PDE4B: variants seen among roughly 807,000 people sequenced by gnomAD.
PDE4B encodes 3',5'-cyclic-AMP phosphodiesterase 4B.
A neutral mutation model predicts 82.2 loss-of-function variants in PDE4B; 20 were observed. That is an observed-to-expected ratio of 0.24 (90% CI 0.17 to 0.35). The LOEUF is 0.35. Among genes scored for constraint, PDE4B ranks in the 10% least tolerant of loss-of-function variants. The probability of loss-of-function intolerance (pLI) is 1.00; values close to 1 mark genes in which losing one functional copy is unlikely to be tolerated. For missense variants in PDE4B, 655 were observed against 907.2 expected (o/e 0.72, Z 3.57); for synonymous variants, 320 against 318.9 (o/e 1.00, Z -0.04).
intron 3 of PDE4B, among the ~76,000 whole-genome samples, chr1:66,125,094 T>C (rs1224730539): frequency 6.6e-6 from 1 of 151,810 alleles, no homozygotes. Context: ...TAGTCCATAC[T>C]GATATTTCTT....
intron 1 of PDE4B, among the ~76,000 whole-genome samples, chr1:65,828,897 A>G (rs915493416): frequency 1.3e-5 from 2 of 152,222 alleles, no homozygotes; most frequent in Non-Finnish European, 2.9e-5. Context: ...AAAAGAGACA[A>G]TGAGTAAATT....
chr1:66,271,196 T>C (rs1655448106), intron 7 of PDE4B, among the ~76,000 whole-genome samples: 1 of 152,256 alleles, frequency 6.6e-6, no homozygotes, highest in Admixed American at 6.5e-5. Context: ...TATTGTCAAA[T>C]ATAACACCCT....
intron 8 of PDE4B, among the ~76,000 whole-genome samples, chr1:66,344,547 A>G (rs1356822180): frequency 1.3e-5 from 2 of 152,198 alleles, no homozygotes; most frequent in Non-Finnish European, 2.9e-5. Flanking sequence ...AAACTGAGAA[A>G]GGTCACATAC....
intron 7 of PDE4B, among the ~76,000 whole-genome samples, chr1:66,286,898 C>T (rs1474209550): frequency 6.6e-6 from 1 of 152,082 alleles, no homozygotes; most frequent in African/African-American, 2.4e-5. Context: ...GTATGCCCCC[C>T]CATGGTAATT....
At position 66,175,332 on chromosome 1, in the gene PDE4B, G is replaced by A. The variant is rs183014256; in HGVS notation, c.282-72128G>A. Among the ~76,000 whole-genome samples the A allele has an allele frequency of 7.2e-5, 11 of 152,294 alleles. No homozygotes were observed. In the East Asian group the frequency reaches 1.5e-3, roughly 21 times the overall value. On this transcript the variant is annotated intron_variant, in intron 3 of 16. Transcript: ENST00000341517. ...CAAGAGCTCATTTTGACAACCATTA[G>A]GTTACAGTCCTATGTGTAGTTCTGT...
chr1:66,204,951 C>T (rs1392776856), intron 3 of PDE4B, among the ~76,000 whole-genome samples: 1 of 152,202 alleles, frequency 6.6e-6, no homozygotes, highest in African/African-American at 2.4e-5. Context: ...ATGCTGGGAG[C>T]TGTAGACTGG....
intron 3 of PDE4B, among the ~76,000 whole-genome samples, chr1:66,203,430 C>T (rs1649211062): frequency 6.6e-6 from 1 of 152,178 alleles, no homozygotes; most frequent in Admixed American, 6.5e-5. Context: ...TGGGTAATAT[C>T]CTGCAGAGTG....
intron 3 of PDE4B, among the ~76,000 whole-genome samples, chr1:66,177,217 G>A (rs1199927924): frequency 6.6e-6 from 1 of 152,242 alleles, no homozygotes; most frequent in Non-Finnish European, 1.5e-5. Flanking sequence ...GTATGGTTAT[G>A]TGTATTGTTT....
chr1:65,888,390 A>G (rs1183239122), intron 1 of PDE4B, among the ~76,000 whole-genome samples: 1 of 152,148 alleles, frequency 6.6e-6, no homozygotes, highest in Admixed American at 6.6e-5. Flanking sequence ...TGGTGCCTCC[A>G]GCTTTGTTTC....
intron 3 of PDE4B, among the ~76,000 whole-genome samples, chr1:66,208,157 T>A (rs1160750807): frequency 6.6e-6 from 1 of 152,244 alleles, no homozygotes; most frequent in African/African-American, 2.4e-5. Context: ...TTTCAATATT[T>A]CCTGTCCTTT....
intron 3 of PDE4B, among the ~76,000 whole-genome samples, chr1:66,124,942 T>TGC (rs1553149135): frequency 4.4e-4 from 67 of 151,612 alleles, no homozygotes; most frequent in Admixed American, 9.9e-4. Context: ...TGTGTGTGTG[T>TGC]GCCCTGCGAT....
intron 3 of PDE4B, chr1:65,992,784 A>G: frequency 2.8e-6 from 4 of 1,426,260 alleles, no homozygotes; most frequent in Non-Finnish European, 3.7e-6. Flanking sequence ...CATTGGAGTC[A>G]CAGCTTCGTA....
At chr1:65,928,812 C>T (rs1020556245) in intron 3 of PDE4B, among the ~76,000 whole-genome samples, 1 of 152,176 alleles carries the variant, frequency 6.6e-6, no homozygotes, top group African/African-American at 2.4e-5. Flanking sequence ...AGCTTGCTTA[C>T]AGTGGGCCAT....
intron 12 of PDE4B, among the ~76,000 whole-genome samples, chr1:66,364,745 T>G (rs1419889031): frequency 6.6e-6 from 1 of 152,100 alleles, no homozygotes; most frequent in Non-Finnish European, 1.5e-5. Context: ...TATCATAGAG[T>G]GAGGCAACAC....
At chr1:65,926,131 A>G (rs1344409273) in intron 3 of PDE4B, among the ~76,000 whole-genome samples, 1 of 152,060 alleles carries the variant, frequency 6.6e-6, no homozygotes, top group Non-Finnish European at 1.5e-5. Flanking sequence ...ACTAATATTA[A>G]CTTTTACTCT....
chr1:66,276,898 C>T (rs778531904), intron 7 of PDE4B, among the ~76,000 whole-genome samples: 11 of 152,138 alleles, frequency 7.2e-5, no homozygotes, highest in African/African-American at 1.7e-4. Context: ...ATTAGGGTTG[C>T]GGCAATATCT....
At chr1:66,150,056 G>A (rs966456947) in intron 3 of PDE4B, among the ~76,000 whole-genome samples, 10 of 152,012 alleles carry the variant, frequency 6.6e-5, no homozygotes, top group Non-Finnish European at 1.5e-4. Flanking sequence ...AAAATTAATT[G>A]GCCATACATG....
intron 3 of PDE4B, among the ~76,000 whole-genome samples, chr1:66,195,491 C>A (rs1238706287): frequency 1.3e-5 from 2 of 152,124 alleles, no homozygotes; most frequent in Admixed American, 1.3e-4. Context: ...TACTTTAGAT[C>A]TTTCTAAAGA....
chr1:66,345,638 A>C (rs1661337311), intron 8 of PDE4B, among the ~76,000 whole-genome samples: 1 of 152,196 alleles, frequency 6.6e-6, no homozygotes, highest in South Asian at 2.1e-4. Flanking sequence ...TGAGGTTCAG[A>C]AACTTAATCT....
Sources: allele counts gnomAD v4.1 joint callset (sites outside exome capture counted in the v4.1 genomes callset), GRCh38; gene constraint gnomAD v4.1.1; transcripts MANE v1.5; gene names NCBI Gene and HGNC (gene_info 2026-07-23, HGNC 2026-07-21).